Variants in FAM167A observed in about 807,000 individuals in gnomAD.
FAM167A encodes protein FAM167A.
A neutral mutation model predicts 14.9 loss-of-function variants in FAM167A; 23 were observed. The ratio of observed to expected loss-of-function variants is 1.55; its 90% CI spans 1.11 to 2.19. The LOEUF is 2.19. FAM167A is among the 30% of genes most tolerant of loss of function. The pLI, the probability that FAM167A is intolerant of heterozygous loss-of-function variation, is 0.00. For missense variants in FAM167A, 401 were observed against 281.5 expected, an observed-to-expected ratio of 1.42 and a Z score of -3.04; for synonymous variants, 174 against 117.7, an observed-to-expected ratio of 1.48 and a Z score of -3.10.
At chr8:11,435,646 C>A (rs746098868) in intron 2 of FAM167A, among the ~76,000 whole-genome samples, 3 of 152,178 alleles carry the variant, frequency 2.0e-5, no homozygotes, top group Non-Finnish European at 2.9e-5. Flanking sequence ...TGTGGAGAGG[C>A]AGCCAGTAGA....
intron 1 of FAM167A, among the ~76,000 whole-genome samples, 163 bp downstream of exon 1, chr8:11,466,463 C>G (rs1224832081): frequency 6.8e-6 from 1 of 146,814 alleles, no homozygotes; most frequent in Non-Finnish European, 1.5e-5. Context: ...CCCGGGGGGG[C>G]GGTAGGAGCG....
intron 1 of FAM167A, among the ~76,000 whole-genome samples, chr8:11,458,284 G>C (rs1006477724): frequency 6.6e-6 from 1 of 152,188 alleles, no homozygotes; most frequent in Non-Finnish European, 1.5e-5. Context: ...AGTCTTTTGT[G>C]CTCTTCCGAA....
Position 11,444,067 on chromosome 8 carries a change from G to T in FAM167A, c.345C>A (p.Ser115Arg), listed in dbSNP as rs1563375490. The T allele has an allele frequency of 1.9e-6, 3 of 1,613,500 alleles. No individual in the cohort carries two copies. Among genetic ancestry groups the T allele is most frequent in the Non-Finnish European group, 2.5e-6 (3 of 1,179,962 alleles). The change falls in exon 2 of 3, where the codon AGC becomes AGA. Residue 115 changes from serine (S) to arginine (R), a missense_variant. Transcript: ENST00000284486. ...LSTGKLEGFQ[S>R]IDEAIAWLRK... ...TGAGCCAGGCTATAGCTTCATCGAT[G>T]CTCTGAAAGCCTTCCAGCTTGCCAG...
At chr8:11,445,132 A>C in intron 1 of FAM167A, 6 of 983,744 alleles carry the variant, frequency 6.1e-6, no homozygotes, top group Non-Finnish European at 7.2e-6. Context: ...ATATCCTAGA[A>C]GTTAAATGAC....
rs527500246 is a variant in FAM167A, at chr8:11,458,370, G to C, written c.-398+8256C>G. ...CCACTCTCAGTGCAGCAGTGCACCT[G>C]CTGGATGGTTTTACTGAGTCACATT... is the stretch of plus-strand genomic sequence containing the variant. On this transcript the variant is annotated intron_variant, in intron 1 of 2. Transcript: ENST00000284486. Among the ~76,000 whole-genome samples, 5 of 152,322 alleles carry C rather than the reference G, an allele frequency of 3.3e-5. 1 individual carries two copies. Among genetic ancestry groups the C allele is most frequent in the African/African-American group, 1.2e-4 (5 of 41,580 alleles).
At chr8:11,447,043 C>A (rs1029628368) in intron 1 of FAM167A, among the ~76,000 whole-genome samples, 7 of 152,236 alleles carry the variant, frequency 4.6e-5, no homozygotes, top group African/African-American at 1.7e-4. Flanking sequence ...CCCCCTCCCC[C>A]ACCAGCAGGC....
chr8:11,464,937 G>A (rs959755901), intron 1 of FAM167A, among the ~76,000 whole-genome samples: 6 of 152,186 alleles, frequency 3.9e-5, no homozygotes, highest in Non-Finnish European at 7.3e-5. Context: ...CTAGTAGACA[G>A]GAAGGCGGGG....
At chr8:11,441,361 GT>G (rs1806426334) in intron 2 of FAM167A, among the ~76,000 whole-genome samples, 2 of 152,212 alleles carry the variant, frequency 1.3e-5, no homozygotes, top group South Asian at 4.1e-4. Context: ...TAACAGAATA[GT>G]GTCACCTTAG....
At chr8:11,439,591 A>C (rs1305621280) in intron 2 of FAM167A, among the ~76,000 whole-genome samples, 3 of 152,164 alleles carry the variant, frequency 2.0e-5, no homozygotes, top group Non-Finnish European at 4.4e-5. Context: ...ACAGCCATAA[A>C]CACCTCCTTG....
At chr8:11,429,736 G>T (rs146551707) in intron 2 of FAM167A, among the ~76,000 whole-genome samples, 2,770 of 152,252 alleles carry the variant, frequency 0.018, 39 homozygotes, top group Middle Eastern at 0.065. Flanking sequence ...TGGCAGAAAG[G>T]GAAAATCCAC....
chr8:11,443,815 G>A lies in FAM167A; in HGVS notation c.381+216C>T, dbSNP rs1409553192. On this transcript the variant is annotated intron_variant, in intron 2 of 2. Coordinates refer to ENST00000284486, the MANE Select transcript of FAM167A (RefSeq NM_053279.3). ...ACACCTGCTTCCTTCATTAGTGTCT[G>A]CAATTAGGGGCTGATGACACCTGGG... 32 of 584,178 alleles carry A rather than the reference G, an allele frequency of 5.5e-5. No individual in the cohort carries two copies. In the South Asian group the frequency reaches 6.4e-4, roughly 12 times the overall value. 36.2% of individuals were successfully genotyped at this position (584,178 alleles called of 1,614,324 possible).
At chr8:11,455,169 G>C (rs539029262) in intron 1 of FAM167A, among the ~76,000 whole-genome samples, 4 of 113,898 alleles carry the variant, frequency 3.5e-5, no homozygotes, top group Admixed American at 2.9e-4. Flanking sequence ...TGGTGGGGTT[G>C]TTGCCTTGCT....
At chr8:11,432,183 C>A (rs1363286381) in intron 2 of FAM167A, among the ~76,000 whole-genome samples, 1 of 152,178 alleles carries the variant, frequency 6.6e-6, no homozygotes, top group East Asian at 1.9e-4. Context: ...CCAATACTTT[C>A]TCTGATCCCA....
intron 1 of FAM167A, among the ~76,000 whole-genome samples, chr8:11,453,868 T>G (rs555846577): frequency 3.4e-4 from 52 of 152,204 alleles, no homozygotes; most frequent in Non-Finnish European, 1.5e-4. Flanking sequence ...TACCCCATCA[T>G]GCAGCAAACC....
intron 1 of FAM167A, among the ~76,000 whole-genome samples, chr8:11,445,792 G>A (rs1806749668): frequency 6.6e-6 from 1 of 150,540 alleles, no homozygotes; most frequent in Non-Finnish European, 1.5e-5. Flanking sequence ...GGACCCAGGT[G>A]GTAAGCCCTG....
Position 11,422,020 on chromosome 8 carries a change from C to A in FAM167A, c.*2353G>T, listed in dbSNP as rs1462041275. The A allele has an allele frequency of 2.5e-6, 1 of 393,892 alleles. No individual in the cohort carries two copies. Among genetic ancestry groups the A allele is most frequent in the Non-Finnish European group, 4.5e-6 (1 of 223,822 alleles). 24.4% of individuals were successfully genotyped at this position (393,892 alleles called of 1,614,324 possible). A position where few individuals can be genotyped will look rare whatever the true frequency, so the allele number is the denominator to read the frequency against. On this transcript the variant is annotated 3_prime_UTR_variant, in exon 3 of 3. Transcript: ENST00000284486. The stretch of plus-strand genomic sequence containing the variant: ...CACTTCTCATCTTGGGTCACCTCCT[C>A]ATCCCATAATAAAGTTCTCTTAGGA...
intron 1 of FAM167A, among the ~76,000 whole-genome samples, chr8:11,455,173 C>T: frequency 1.0e-5 from 1 of 97,516 alleles, no homozygotes; most frequent in African/African-American, 3.9e-5. Context: ...GGGGTTGTTG[C>T]CTTGCTGAGT....
At chr8:11,425,053 TTGAC>T (rs1328913664) in intron 2 of FAM167A, among the ~76,000 whole-genome samples, 2 of 152,168 alleles carry the variant, frequency 1.3e-5, no homozygotes, top group African/African-American at 2.4e-5. Context: ...TATGGGGGCT[TTGAC>T]TGTGATGGCC....
intron 1 of FAM167A, among the ~76,000 whole-genome samples, chr8:11,465,025 G>C (rs1034403936): frequency 2.0e-5 from 3 of 152,146 alleles, no homozygotes; most frequent in Admixed American, 6.5e-5. Flanking sequence ...GGAGTCTGGG[G>C]GCTCTGGGCA....
Sources: gnomAD v4.1 joint callset for allele counts (sites outside exome capture counted in the v4.1 genomes callset) on GRCh38, gnomAD v4.1.1 for gene constraint, MANE v1.5 for transcripts, NCBI Gene and HGNC (gene_info 2026-07-23, HGNC 2026-07-21) for gene names.